Variants in ANGEL1 observed in about 807,000 individuals in gnomAD.
ANGEL1 encodes angel homolog 1.
In ANGEL1, 62 loss-of-function variants were observed where a neutral mutation model predicts 76.4. The observed-to-expected ratio is 0.81, with a 90% CI of 0.66 to 1.00. The LOEUF is 1.00. ANGEL1 is among the 50% of genes least tolerant of loss of function. ANGEL1 has a pLI of 0.00. For missense variants in ANGEL1, 737 were observed against 836.7 expected (o/e 0.88, Z 1.47); for synonymous variants, 340 against 331.7 (o/e 1.03, Z -0.27).
intron 7 of ANGEL1, among the ~76,000 whole-genome samples, chr14:76,801,481 A>C (rs1474513674): frequency 6.6e-6 from 1 of 152,106 alleles, no homozygotes; most frequent in African/African-American, 2.4e-5. Flanking sequence ...TTTTGGGAAA[A>C]TCTTTCTTGG....
At chr14:76,811,233 T>C (rs1322622222) in intron 1 of ANGEL1, among the ~76,000 whole-genome samples, 1 of 152,176 alleles carries the variant, frequency 6.6e-6, no homozygotes, top group Admixed American at 6.5e-5. Flanking sequence ...TCAACAGTGC[T>C]GAGATTGAGA....
intron 7 of ANGEL1, among the ~76,000 whole-genome samples, chr14:76,798,835 C>A (rs1467157337): frequency 1.3e-5 from 2 of 151,234 alleles, no homozygotes; most frequent in Non-Finnish European, 2.9e-5. Context: ...GTAATCCCAG[C>A]TACTGGGGAG....
In ANGEL1 at chr14:76,791,279, A is replaced by G. The variant is rs1894398242; in HGVS notation, c.1688+18T>C. On this transcript the variant is annotated intron_variant, in intron 8 of 9. Coordinates refer to ENST00000251089, the MANE Select transcript of ANGEL1 (RefSeq NM_015305.4). ...GCAAGGGCTGGATTGAAAACAGAAGAGAACTGGAGAAGGTTACCTGGAGAA... is the reference window on the plus strand; with the variant it reads ...GCAAGGGCTGGATTGAAAACAGAAGGGAACTGGAGAAGGTTACCTGGAGAA... The G allele has an allele frequency of 1.6e-5, 26 of 1,613,858 alleles. No individual in the cohort carries two copies. The highest frequency in any genetic ancestry group is 2.2e-5 in the Non-Finnish European group (26 of 1,179,790).
chr14:76,789,140 C>G lies in ANGEL1; in HGVS notation c.*88G>C, dbSNP rs1325262429. ...GGGAGGGGATGTAAGTTTCTTGGATCTAAGTTTCTAGATGCATGGGATTTT... is the reference window on the plus strand; with the variant it reads ...GGGAGGGGATGTAAGTTTCTTGGATGTAAGTTTCTAGATGCATGGGATTTT... On this transcript the variant is annotated 3_prime_UTR_variant, in exon 10 of 10. Coordinates refer to ENST00000251089, the MANE Select transcript of ANGEL1 (RefSeq NM_015305.4). The G allele has an allele frequency of 2.0e-5, 30 of 1,516,188 alleles. No homozygotes were observed. Among genetic ancestry groups the G allele is most frequent in the Non-Finnish European group, 2.6e-5 (29 of 1,118,430 alleles). The allele number at this position is 1,516,188 out of a possible 1,614,324, so 93.9% of individuals were successfully genotyped here.
intron 9 of ANGEL1, among the ~76,000 whole-genome samples, chr14:76,790,186 G>A (rs1029537581): frequency 2.1e-4 from 32 of 152,024 alleles, no homozygotes; most frequent in Non-Finnish European, 4.4e-5. Context: ...TAATACACAT[G>A]CCTGGCCAAA....
chr14:76,790,610 C>T lies in ANGEL1; in HGVS notation c.1852+1G>A, dbSNP rs1321443770. 1 of 1,611,808 alleles carries T rather than the reference C, an allele frequency of 6.2e-7. No individual in the cohort carries two copies. Among genetic ancestry groups the T allele is most frequent in the Non-Finnish European group, 8.5e-7 (1 of 1,178,538 alleles). ...AGGAACCCAGGATCCATCAGGCTTA[C>T]CAGTTCTGTTCCCATTCTCACAGGA... On this transcript the variant is annotated splice_donor_variant, in intron 9 of 9. Coordinates refer to ENST00000251089, the MANE Select transcript of ANGEL1 (RefSeq NM_015305.4). LOFTEE classifies it high-confidence loss of function.
At chr14:76,794,945 T>C (rs532946915) in intron 7 of ANGEL1, among the ~76,000 whole-genome samples, 1 of 152,280 alleles carries the variant, frequency 6.6e-6, no homozygotes, top group Admixed American at 6.5e-5. Context: ...AAGTAATAAT[T>C]TACCCCCTCC....
At chr14:76,804,395 C>T (rs1377925855) in intron 5 of ANGEL1, 3 of 1,006,338 alleles carry the variant, frequency 3.0e-6, no homozygotes, top group South Asian at 4.6e-5. Context: ...TCACCATCCT[C>T]GGTCAAAGCC....
intron 7 of ANGEL1, among the ~76,000 whole-genome samples, chr14:76,799,188 G>C (rs777453919): frequency 1.4e-5 from 2 of 146,870 alleles, no homozygotes; most frequent in Non-Finnish European, 3.0e-5. Flanking sequence ...TTCTGGTACT[G>C]AACTGGAAAT....
At chr14:76,806,075 G>A (rs1249073889) in intron 5 of ANGEL1, among the ~76,000 whole-genome samples, 1 of 152,086 alleles carries the variant, frequency 6.6e-6, no homozygotes, top group Non-Finnish European at 1.5e-5. Flanking sequence ...AACTTAGAAC[G>A]GTCATTATGT....
At chr14:76,803,243 A>G in intron 7 of ANGEL1, 128 bp downstream of exon 7, 1 of 747,150 alleles carries the variant, frequency 1.3e-6, no homozygotes, top group Non-Finnish European at 2.2e-6. Flanking sequence ...CCTTCCTTCT[A>G]AATATACGTA....
In ANGEL1 at chr14:76,788,770, C is replaced by A. The variant is rs1894314306; in HGVS notation, c.*458G>T. ...GTGCAGAAGTCTCACCCCAAGAGGA[C>A]ACATACATGATATGCATATCTCACA... On this transcript the variant is annotated 3_prime_UTR_variant, in exon 10 of 10. Transcript: ENST00000251089. The A allele has an allele frequency of 1.2e-5, 2 of 160,670 alleles. No individual in the cohort carries two copies. The highest frequency in any genetic ancestry group is 2.7e-5 in the Non-Finnish European group (2 of 73,310). The allele number at this position is 160,670 out of a possible 1,614,324, so 10.0% of individuals were successfully genotyped here.
intron 1 of ANGEL1, chr14:76,812,317 G>A: frequency 4.0e-6 from 4 of 1,001,624 alleles, no homozygotes; most frequent in Non-Finnish European, 4.8e-6. Context: ...GGGGAAGATC[G>A]GTGCGTCCAG....
intron 7 of ANGEL1, among the ~76,000 whole-genome samples, chr14:76,800,561 C>T (rs1894730354): frequency 6.6e-6 from 1 of 152,252 alleles, no homozygotes; most frequent in Non-Finnish European, 1.5e-5. Context: ...CCTTCAGTTA[C>T]TCCTCTAGCA....
chr14:76,793,899 T>C (rs907015118), intron 7 of ANGEL1, among the ~76,000 whole-genome samples: 3 of 152,174 alleles, frequency 2.0e-5, no homozygotes, highest in African/African-American at 4.8e-5. Context: ...TAATAAGGTA[T>C]GTGAATGTGG....
At chr14:76,793,775 C>T (rs1475612723) in intron 7 of ANGEL1, among the ~76,000 whole-genome samples, 1 of 151,760 alleles carries the variant, frequency 6.6e-6, no homozygotes, top group Non-Finnish European at 1.5e-5. Context: ...ACTACCAAAT[C>T]CTAAATATAC....
chr14:76,798,170 G>A (rs1283113542), intron 7 of ANGEL1, among the ~76,000 whole-genome samples: 1 of 151,208 alleles, frequency 6.6e-6, no homozygotes, highest in Non-Finnish European at 1.5e-5. Context: ...TGTTGCCCAG[G>A]CGGGAGTGCA....
Position 76,803,464 on chromosome 14 carries a change from G to C in ANGEL1, c.1525C>G (p.Arg509Gly). 2 of 1,614,118 alleles carry C rather than the reference G, an allele frequency of 1.2e-6. No individual in the cohort carries two copies. Among genetic ancestry groups the C allele is most frequent in the Non-Finnish European group, 8.5e-7 (1 of 1,180,018 alleles). ...AAGCGGAAACGTAGCAGGAAGTCTC[G>C]GCCATACTTGCGTCTCTCTGTAAAC... is the stretch of plus-strand genomic sequence containing the variant. ...PKRSERRKYG[R>G]DFLLRFRFCS... Residue 509 changes from arginine to glycine, a missense_variant, in exon 7 of 10, where the codon CGA (arginine) becomes GGA (glycine). Arg to Gly is a moderately radical substitution (Grantham distance 125). Transcript: ENST00000251089.
At position 76,789,216 on chromosome 14, in the gene ANGEL1, CT is replaced by C. The variant is rs1204600355; in HGVS notation, c.*11del. ...CTTCTGGAAGAGAAGCTCTCTTCCC[CT>C]GGGAGCCCTGTCATGGGGCGGTGAC... On this transcript the variant is annotated 3_prime_UTR_variant, in exon 10 of 10. Coordinates refer to ENST00000251089, the MANE Select transcript of ANGEL1 (RefSeq NM_015305.4). 1.2e-6 allele frequency: 2 copies of C among 1,613,934 alleles called. No individual in the cohort carries two copies. The highest frequency in any genetic ancestry group is 1.7e-6 in the Non-Finnish European group (2 of 1,179,902).
Sources: gnomAD v4.1 joint callset for allele counts (sites outside exome capture counted in the v4.1 genomes callset) on GRCh38, gnomAD v4.1.1 for gene constraint, MANE v1.5 for transcripts, NCBI Gene and HGNC (gene_info 2026-07-23, HGNC 2026-07-21) for gene names.